CDC45: variants seen among roughly 807,000 people sequenced by gnomAD.
The protein encoded by CDC45 is cell division control protein 45 homolog.
Under a neutral mutation model 77.8 loss-of-function variants are expected in CDC45, and 54 were observed. That is an observed-to-expected ratio of 0.69 (90% CI 0.56 to 0.87). CDC45 has a LOEUF of 0.87. CDC45 is among the 40% of genes least tolerant of loss of function. The pLI, the probability that CDC45 is intolerant of heterozygous loss-of-function variation, is 0.00. For missense variants in CDC45, 649 were observed against 721.6 expected (o/e 0.90, Z 1.15); for synonymous variants, 260 against 272.1 (o/e 0.96, Z 0.44).
chr22:19,484,676 T>C (rs554096912), intron 5 of CDC45, among the ~76,000 whole-genome samples: 15 of 152,366 alleles, frequency 9.8e-5, no homozygotes, highest in Non-Finnish European at 1.9e-4. Context: ...GGGTCTTCCC[T>C]TCATCCTCAG....
intron 13 of CDC45, among the ~76,000 whole-genome samples, chr22:19,512,459 T>G (rs1403272435): frequency 6.6e-6 from 1 of 152,242 alleles, no homozygotes; most frequent in African/African-American, 2.4e-5. Context: ...CCTTGTTCTC[T>G]TAATTTGTTG....
intron 13 of CDC45, among the ~76,000 whole-genome samples, chr22:19,509,965 ATTG>A (rs925495282): frequency 6.6e-6 from 1 of 151,860 alleles, no homozygotes; most frequent in African/African-American, 2.4e-5. Flanking sequence ...TATTTATTTT[ATTG>A]TTATTTTTTT....
chr22:19,500,547 G>A (rs1049168049), intron 9 of CDC45, among the ~76,000 whole-genome samples: 4 of 152,090 alleles, frequency 2.6e-5, no homozygotes, highest in African/African-American at 4.8e-5. Flanking sequence ...TTTTCCCTTT[G>A]AGATATTTCT....
At chr22:19,506,992 T>C (rs889128929) in intron 10 of CDC45, among the ~76,000 whole-genome samples, 8 of 150,920 alleles carry the variant, frequency 5.3e-5, no homozygotes, top group African/African-American at 1.7e-4. Context: ...GGGGTCCCAG[T>C]GGAGGGCTCT....
At chr22:19,506,859 A>G (rs1933211674) in intron 10 of CDC45, among the ~76,000 whole-genome samples, 1 of 151,980 alleles carries the variant, frequency 6.6e-6, no homozygotes, top group Non-Finnish European at 1.5e-5. Context: ...GCGTGAATCC[A>G]GAAGGTGGAG....
intron 15 of CDC45, among the ~76,000 whole-genome samples, chr22:19,515,351 G>A (rs1317236808): frequency 1.3e-5 from 2 of 152,190 alleles, no homozygotes; most frequent in African/African-American, 4.8e-5. Flanking sequence ...AAGCGGGATG[G>A]TTGTAGCACC....
In CDC45 at chr22:19,519,037, T is replaced by A. The variant is rs9606044; in HGVS notation, c.*1+128T>A. ...TCAGACCGAAGCAGGGTTCTTGAGATTGGAGCCAACACATTTTTCCCAAGC... is the reference window on the plus strand; with the variant it reads ...TCAGACCGAAGCAGGGTTCTTGAGAATGGAGCCAACACATTTTTCCCAAGC... On this transcript the variant is annotated intron_variant, in intron 18 of 18. Transcript: ENST00000263201. 0.063 allele frequency: 46,987 copies of A among 740,640 alleles called. 2,063 individuals are homozygous for A. The highest frequency in any genetic ancestry group is 0.13 in the South Asian group (8,514 of 63,354). The allele number at this position is 740,640 out of a possible 1,614,324, so 45.9% of individuals were successfully genotyped here. A position where few individuals can be genotyped will look rare whatever the true frequency, so the allele number is the denominator to read the frequency against.
intron 5 of CDC45, among the ~76,000 whole-genome samples, chr22:19,494,087 G>A (rs991089713): frequency 3.9e-5 from 6 of 152,178 alleles, no homozygotes; most frequent in Admixed American, 1.3e-4. Context: ...TGCTTGGGAA[G>A]CCCCTACTCT....
At chr22:19,483,828 G>A (rs750408994) in intron 4 of CDC45, 34 bp from the exon 5 acceptor site, 9 of 1,594,754 alleles carry the variant, frequency 5.6e-6, no homozygotes, top group African/African-American at 1.4e-5. Context: ...CGTAGAAAGA[G>A]GAGAGGCTTA....
chr22:19,487,964 G>C lies in CDC45; in HGVS notation c.486+3959G>C, dbSNP rs1352571155. Among the ~76,000 whole-genome samples, 3 of 151,622 alleles carry C rather than the reference G, an allele frequency of 2.0e-5. No individual in the cohort carries two copies. In the East Asian group the frequency reaches 5.8e-4, roughly 29 times the overall value. On this transcript the variant is annotated intron_variant, in intron 5 of 18. Coordinates refer to ENST00000263201, the MANE Select transcript of CDC45 (RefSeq NM_003504.5). Reference sequence around the variant, plus strand: ...TGCTGTAAAGAAAAGAGGAGACATGGGGTCGAGAATCATTTTTACTTGTCT... The same window carrying C: ...TGCTGTAAAGAAAAGAGGAGACATGCGGTCGAGAATCATTTTTACTTGTCT...
In CDC45 at chr22:19,518,970, G is replaced by A. The variant is rs13447290; in HGVS notation, c.*1+61G>A. ...AGCCCCCTCAGAGCCCGACCCTGAT[G>A]CCCTGCTCTGTCCTCCCTCAACGGA... On this transcript the variant is annotated intron_variant, in intron 18 of 18. Coordinates refer to ENST00000263201, the MANE Select transcript of CDC45 (RefSeq NM_003504.5). 1.4e-3 allele frequency: 1,675 copies of A among 1,238,034 alleles called. 12 individuals are homozygous for A. The African/African-American group carries it at 0.021, about 16-fold the overall frequency. 76.7% of individuals were successfully genotyped at this position (1,238,034 alleles called of 1,614,324 possible).
intron 11 of CDC45, 56 bp from the exon 12 acceptor site, chr22:19,507,709 TC>T: frequency 1.4e-6 from 2 of 1,446,458 alleles, no homozygotes; most frequent in Non-Finnish European, 1.9e-6. Context: ...TGGGTTTCTT[TC>T]CACCCTGTCG....
chr22:19,481,527 C>T (rs939520972), intron 3 of CDC45, among the ~76,000 whole-genome samples: 6 of 151,606 alleles, frequency 4.0e-5, no homozygotes, highest in African/African-American at 4.9e-5. Flanking sequence ...TACAGGCACC[C>T]GCCACCACAC....
chr22:19,481,165 T>A, intron 3 of CDC45, 120 bp downstream of exon 3: 2 of 622,252 alleles, frequency 3.2e-6, no homozygotes, highest in Non-Finnish European at 2.8e-6. Context: ...TTAGGCAATA[T>A]GGAAGAGAAA....
chr22:19,515,016 A>G lies in CDC45; in HGVS notation c.1408A>G (p.Ser470Gly). ...TAGGCCGGCATCCCTAAGCCTGCTC[A>G]GCAAACACCTGCTCAAGTCCTTTGT... ...FSRPASLSLLSKHLLKSFVCS... is the reference protein window; with the variant it reads ...FSRPASLSLLGKHLLKSFVCS... The change falls in exon 15 of 19, where the codon AGC becomes GGC. Residue 470 changes from serine to glycine, a missense_variant. Physicochemically the swap from Ser to Gly is moderately conservative, Grantham distance 56 (BLOSUM62 0). Coordinates refer to ENST00000263201, the MANE Select transcript of CDC45 (RefSeq NM_003504.5). 6.2e-7 allele frequency: 1 copy of G among 1,613,358 alleles called. No individual in the cohort carries two copies. The highest frequency in any genetic ancestry group is 8.5e-7 in the Non-Finnish European group (1 of 1,179,462).
At chr22:19,480,087 G>C in intron 1 of CDC45, 68 bp downstream of exon 1, 1 of 1,612,400 alleles carries the variant, frequency 6.2e-7, no homozygotes, top group East Asian at 2.2e-5. Context: ...GAGCGACCGT[G>C]GGTGACCGGG....
intron 4 of CDC45, among the ~76,000 whole-genome samples, chr22:19,483,362 G>A (rs1000859321): frequency 2.0e-5 from 3 of 152,126 alleles, no homozygotes; most frequent in African/African-American, 7.2e-5. Context: ...AACCCAGGAG[G>A]CAGAGCTTGC....
intron 5 of CDC45, among the ~76,000 whole-genome samples, chr22:19,487,224 G>A (rs931073499): frequency 2.0e-5 from 3 of 151,458 alleles, no homozygotes; most frequent in Non-Finnish European, 4.4e-5. Flanking sequence ...CCTGGGAGGC[G>A]GAGGTTGTAG....
At chr22:19,498,375 A>C (rs2090281621) in intron 8 of CDC45, among the ~76,000 whole-genome samples, 1 of 152,252 alleles carries the variant, frequency 6.6e-6, no homozygotes. Context: ...GTCCTGGCAC[A>C]CGGTGGCAAA....
Sources: gnomAD v4.1 joint callset for allele counts (sites outside exome capture counted in the v4.1 genomes callset) on GRCh38, gnomAD v4.1.1 for gene constraint, MANE v1.5 for transcripts, NCBI Gene and HGNC (gene_info 2026-07-23, HGNC 2026-07-21) for gene names.